GOLGA3: variants seen among roughly 807,000 people sequenced by gnomAD.
GOLGA3 encodes golgin A3.
In GOLGA3, 75 loss-of-function variants were observed where a neutral mutation model predicts 169.4. That is an observed-to-expected ratio of 0.44 (90% CI 0.37 to 0.54). The LOEUF (loss-of-function observed/expected upper bound fraction) is 0.54, where lower values mean the gene tolerates loss of function less well. Among genes scored for constraint, GOLGA3 ranks in the 20% least tolerant of loss-of-function variants. GOLGA3 has a pLI of 0.00. For missense variants in GOLGA3, 1,899 were observed against 1,930.0 expected, an observed-to-expected ratio of 0.98 and a Z score of 0.30; for synonymous variants, 824 against 822.4, an observed-to-expected ratio of 1.00 and a Z score of -0.03.
intron 17 of GOLGA3, 90 bp downstream of exon 17, chr12:132,782,206 G>T: frequency 8.2e-7 from 1 of 1,214,676 alleles, no homozygotes; most frequent in Non-Finnish European, 1.2e-6. Flanking sequence ...AGTCAGCACA[G>T]GTGACTGAAT....
At chr12:132,780,191 C>A (rs1267287684) in intron 18 of GOLGA3, among the ~76,000 whole-genome samples, 1 of 147,670 alleles carries the variant, frequency 6.8e-6, no homozygotes, top group African/African-American at 2.5e-5. Flanking sequence ...CGTGCACACA[C>A]ACCACACCCC....
intron 13 of GOLGA3, 46 bp from the exon 14 acceptor site, chr12:132,786,833 G>T: frequency 7.7e-7 from 1 of 1,293,802 alleles, no homozygotes; most frequent in Non-Finnish European, 1.1e-6. Context: ...GCCACCCCCA[G>T]CCTGTCTCCC....
chr12:132,776,995 T>A lies in GOLGA3; in HGVS notation c.3818A>T (p.Asp1273Val), dbSNP rs2045283677. The change falls in exon 20 of 24, where the codon GAC becomes GTC. Residue 1273 changes from aspartate (D) to valine (V), a missense_variant. By Grantham distance (152) the Asp-to-Val change is radical. Transcript: ENST00000450791. The stretch of plus-strand genomic sequence containing the variant: ...CACGGGCTGTTTGCTGAGCTGCTCG[T>A]CCAGCTGCTTCTGCAGGAGCTGGAG... ...AQLQLLQKQL[D>V]EQLSKQPVGN... is the part of the protein sequence containing the mutation. 6.2e-7 allele frequency: 1 copy of A among 1,609,732 alleles called. No individual in the cohort carries two copies. Among genetic ancestry groups the A allele is most frequent in the Non-Finnish European group, 8.5e-7 (1 of 1,178,056 alleles).
chr12:132,812,257 G>A (rs1355677974), intron 4 of GOLGA3, among the ~76,000 whole-genome samples: 1 of 150,216 alleles, frequency 6.7e-6, no homozygotes, highest in Non-Finnish European at 1.5e-5. Context: ...TTGACAATAC[G>A]CCAGATCACC....
At chr12:132,802,405 G>A (rs900757487) in intron 7 of GOLGA3, among the ~76,000 whole-genome samples, 2 of 151,768 alleles carry the variant, frequency 1.3e-5, no homozygotes, top group African/African-American at 4.8e-5. Flanking sequence ...GGGGGCACAG[G>A]GGTGCACGCC....
Position 132,795,885 on chromosome 12 carries a change from C to T in GOLGA3, c.2436G>A (p.Lys812=). 1 of 1,613,954 alleles carries T rather than the reference C, an allele frequency of 6.2e-7. No homozygotes were observed. Among genetic ancestry groups the T allele is most frequent in the Non-Finnish European group, 8.5e-7 (1 of 1,179,820 alleles). Residue 812 remains lysine, a synonymous_variant, in exon 11 of 24, where the codon AAG becomes AAA. Coordinates refer to ENST00000450791, the MANE Select transcript of GOLGA3 (RefSeq NM_001389683.1). The stretch of plus-strand genomic sequence containing the variant: ...ATTTGATAGCTAATTCTTCTCTTAA[C>T]TTCTCTAAAGTTTCCGACGTTTCCT... ...GTEETSETLE[K]LREELAIKSG...
intron 10 of GOLGA3, 57 bp downstream of exon 10, chr12:132,796,482 T>C: frequency 1.3e-6 from 2 of 1,555,970 alleles, no homozygotes; most frequent in Non-Finnish European, 1.7e-6. Context: ...TGTGCAGTCC[T>C]GGCTGCTCGG....
chr12:132,816,456 C>G (rs1269775642), intron 3 of GOLGA3, 84 bp downstream of exon 3: 9 of 1,391,972 alleles, frequency 6.5e-6, no homozygotes, highest in Middle Eastern at 2.0e-4. Flanking sequence ...ACAGCTCAGA[C>G]AGTGAGTGCG....
chr12:132,800,628 A>G (rs897810096), intron 8 of GOLGA3, among the ~76,000 whole-genome samples: 2 of 152,222 alleles, frequency 1.3e-5, no homozygotes, highest in African/African-American at 2.4e-5. Context: ...TAATAAATTT[A>G]TAATATTTTA....
intron 4 of GOLGA3, 108 bp from the exon 5 acceptor site, chr12:132,808,657 C>T (rs1427147692): frequency 2.4e-6 from 2 of 842,874 alleles, no homozygotes; most frequent in Non-Finnish European, 3.8e-6. Flanking sequence ...CCGCTGACAA[C>T]CAGAGAGCAC....
At chr12:132,808,693 G>C (rs546509436) in intron 4 of GOLGA3, 144 bp from the exon 5 acceptor site, 9 of 720,094 alleles carry the variant, frequency 1.2e-5, no homozygotes, top group Admixed American at 2.4e-5. Context: ...TCACCACACA[G>C]GGTGCGGCCA....
In GOLGA3 at chr12:132,786,755, C is replaced by G. The variant is rs369331427; in HGVS notation, c.2844G>C (p.Ala948=). The G allele has an allele frequency of 1.9e-6, 3 of 1,613,450 alleles. No individual in the cohort carries two copies. Among genetic ancestry groups the G allele is most frequent in the African/African-American group, 2.7e-5 (2 of 74,940 alleles). Reference sequence around the variant, plus strand: ...TCAGCGCCTCATTGGCCTCTGTGACCGCGACCATCTGCTCCTTATCGAACT... The same window carrying G: ...TCAGCGCCTCATTGGCCTCTGTGACGGCGACCATCTGCTCCTTATCGAACT... ...SLQFDKEQMV[A]VTEANEALKK... Residue 948 remains alanine, a synonymous_variant, in exon 14 of 24, where the codon GCG becomes GCC. Transcript: ENST00000450791.
In GOLGA3 at chr12:132,808,299, C is replaced by G. The variant is rs142849269; in HGVS notation, c.770G>C (p.Gly257Ala). ...ADYRTEDSNA[G>A]NSGGNVPAPD... ...AGCCGGGACATTTCCCCCAGAATTC[C>G]CCGCATTTGAATCTTCAGTTCTGTA... Residue 257 changes from glycine (G) to alanine (A), a missense_variant, in exon 5 of 24, where the codon GGG becomes GCG. Transcript: ENST00000450791. 5.6e-6 allele frequency: 9 copies of G among 1,614,138 alleles called. 1 individual carries two copies. The highest frequency in any genetic ancestry group is 7.6e-6 in the Non-Finnish European group (9 of 1,180,028).
chr12:132,825,859 C>CA (rs1283354594), intron 1 of GOLGA3: 2 of 984,570 alleles, frequency 2.0e-6, no homozygotes, highest in African/African-American at 3.2e-5. Context: ...CTACTGAGGG[C>CA]ACCTACATTG....
At chr12:132,807,388 C>T (rs1283629576) in intron 5 of GOLGA3, 100 bp from the exon 6 acceptor site, 3 of 600,088 alleles carry the variant, frequency 5.0e-6, no homozygotes, top group Non-Finnish European at 8.5e-6. Flanking sequence ...CTGCTCTCTC[C>T]CAATTTTTTA....
Position 132,804,529 on chromosome 12 carries a change from G to C in GOLGA3, c.1597+187C>G, listed in dbSNP as rs878876852. 6.6e-6 allele frequency among the ~76,000 whole-genome samples: 1 copy of C among 150,676 alleles called. No individual in the cohort carries two copies. Among genetic ancestry groups the C allele is most frequent in the African/African-American group, 2.4e-5 (1 of 40,856 alleles). ...AGGAGGGCGTGGCGAGGACCAGTCA[G>C]GGAAGGAGGGCGTGGCGGGGACCAG... On this transcript the variant is annotated intron_variant, in intron 7 of 23. Coordinates refer to ENST00000450791, the MANE Select transcript of GOLGA3 (RefSeq NM_001389683.1). The surrounding 1 kb of genome is among the most constrained non-coding windows in gnomAD (Gnocchi z 4.1).
chr12:132,809,930 A>T (rs1403210899), intron 4 of GOLGA3, among the ~76,000 whole-genome samples: 2 of 151,830 alleles, frequency 1.3e-5, no homozygotes, highest in East Asian at 3.9e-4. Context: ...AGTTTATTTT[A>T]TTTTTTTGGA....
chr12:132,779,314 GGTGATCT>G (rs1260367037), intron 18 of GOLGA3, among the ~76,000 whole-genome samples: 1 of 152,070 alleles, frequency 6.6e-6, no homozygotes, highest in Non-Finnish European at 1.5e-5. Context: ...CCCGACCTCA[GGTGATCT>G]GCCTGCCTCA....
At chr12:132,782,139 C>T (rs2045640310) in intron 17 of GOLGA3, among the ~76,000 whole-genome samples, 157 bp downstream of exon 17, 2 of 152,032 alleles carry the variant, frequency 1.3e-5, no homozygotes, top group Non-Finnish European at 2.9e-5. Flanking sequence ...GACCCAGGGC[C>T]GTGGGTCACC....
Sources: allele counts gnomAD v4.1 joint callset (sites outside exome capture counted in the v4.1 genomes callset), GRCh38; gene constraint gnomAD v4.1.1; non-coding constraint Gnocchi (gnomAD v3.1); transcripts MANE v1.5; gene names NCBI Gene and HGNC (gene_info 2026-07-23, HGNC 2026-07-21).